Variants in SLX9 observed in about 807,000 individuals in gnomAD.
SLX9 encodes the protein SLX9 ribosome biogenesis factor, also known as ribosome biogenesis protein SLX9 homolog.
In SLX9, 19 loss-of-function variants were observed where a neutral mutation model predicts 20.8. The ratio of observed to expected loss-of-function variants is 0.91; its 90% CI spans 0.64 to 1.34. SLX9 has a LOEUF of 1.34. Among genes scored for constraint, SLX9 ranks in the 40% most tolerant of loss-of-function variants. The probability of loss-of-function intolerance (pLI) is 0.00; values close to 1 mark genes in which losing one functional copy is unlikely to be tolerated. For missense variants in SLX9, 299 were observed against 322.2 expected (o/e 0.93, Z 0.55); for synonymous variants, 113 against 137.1 (o/e 0.82, Z 1.23).
chr21:44,950,812 G>A (rs904378122), intron 2 of SLX9, among the ~76,000 whole-genome samples: 3 of 152,216 alleles, frequency 2.0e-5, no homozygotes, highest in Admixed American at 1.3e-4. Context: ...CCTTGCCGGC[G>A]TCCTCAGGGT....
intron 2 of SLX9, among the ~76,000 whole-genome samples, chr21:44,958,607 C>A (rs1284607152): frequency 6.6e-6 from 1 of 152,230 alleles, no homozygotes; most frequent in African/African-American, 2.4e-5. Context: ...ACCCGTCAGC[C>A]CATCCAGAGG....
intron 2 of SLX9, among the ~76,000 whole-genome samples, chr21:44,955,963 C>T (rs1448389378): frequency 6.6e-6 from 1 of 151,816 alleles, no homozygotes; most frequent in African/African-American, 2.4e-5. Context: ...CCTCCGCCTG[C>T]GGCCTGTACC....
intron 2 of SLX9, among the ~76,000 whole-genome samples, chr21:44,958,848 G>C (rs1436258137): frequency 3.9e-5 from 6 of 152,236 alleles, no homozygotes; most frequent in Non-Finnish European, 7.3e-5. Context: ...GCCAGAGCCG[G>C]GAAGGATCAC....
At chr21:44,940,207 C>T in intron 1 of SLX9, 21 bp downstream of exon 1, 1 of 1,222,836 alleles carries the variant, frequency 8.2e-7, no homozygotes, top group Non-Finnish European at 1.0e-6. Flanking sequence ...GAGGCGCTGG[C>T]CGGGGGCTGC....
At chr21:44,957,898 G>A (rs1047979230) in intron 2 of SLX9, among the ~76,000 whole-genome samples, 1 of 152,230 alleles carries the variant, frequency 6.6e-6, no homozygotes, top group East Asian at 1.9e-4. Context: ...TGTGTGAGCC[G>A]CCCGTGCAGC....
At chr21:44,971,076 C>T (rs2085135302) in intron 4 of SLX9, among the ~76,000 whole-genome samples, 1 of 152,284 alleles carries the variant, frequency 6.6e-6, no homozygotes, top group Admixed American at 6.5e-5. Context: ...TGCTCTGGAC[C>T]TCCACCTCCT....
At chr21:44,966,563 C>A (rs566040282) in intron 3 of SLX9, among the ~76,000 whole-genome samples, 1 of 152,358 alleles carries the variant, frequency 6.6e-6, no homozygotes, top group Admixed American at 6.5e-5. Context: ...CTGCCACCCC[C>A]CATGGCCCCA....
chr21:44,976,870 C>T lies in SLX9; in HGVS notation c.*67C>T. 3 of 1,530,448 alleles carry T rather than the reference C, an allele frequency of 2.0e-6. No individual in the cohort carries two copies. Among genetic ancestry groups the T allele is most frequent in the Non-Finnish European group, 2.6e-6 (3 of 1,144,218 alleles). 94.8% of individuals were successfully genotyped at this position (1,530,448 alleles called of 1,614,324 possible). A position where few individuals can be genotyped will look rare whatever the true frequency, so the allele number is the denominator to read the frequency against. Reference sequence around the variant, plus strand: ...GGCCAAGTAGAGAGCGCCGGCCCCTCAAGGACCATGGCCTGAGCCTGGTGG... The same window carrying T: ...GGCCAAGTAGAGAGCGCCGGCCCCTTAAGGACCATGGCCTGAGCCTGGTGG... On this transcript the variant is annotated 3_prime_UTR_variant, in exon 6 of 6. Transcript: ENST00000291634.
intron 2 of SLX9, among the ~76,000 whole-genome samples, chr21:44,948,691 A>G (rs1250529249): frequency 2.0e-5 from 3 of 151,998 alleles, no homozygotes; most frequent in Non-Finnish European, 4.4e-5. Flanking sequence ...GGGGCATGAG[A>G]GGCGCCGGTG....
intron 4 of SLX9, among the ~76,000 whole-genome samples, chr21:44,967,537 A>C (rs1024466751): frequency 2.6e-5 from 4 of 151,884 alleles, no homozygotes; most frequent in African/African-American, 9.7e-5. Context: ...CCTCCACCCC[A>C]CAGAGACCCT....
chr21:44,944,683 C>T (rs1466171298), intron 2 of SLX9, among the ~76,000 whole-genome samples: 2 of 152,216 alleles, frequency 1.3e-5, no homozygotes, highest in Admixed American at 6.5e-5. Flanking sequence ...GGGCAGAGCT[C>T]AGGGCACCAG....
chr21:44,945,045 T>C (rs1454633178), intron 2 of SLX9, among the ~76,000 whole-genome samples: 1 of 152,222 alleles, frequency 6.6e-6, no homozygotes, highest in Non-Finnish European at 1.5e-5. Flanking sequence ...GAGTGGGTTT[T>C]GCAGCTGCCC....
chr21:44,944,671 G>T (rs941465040), intron 2 of SLX9, among the ~76,000 whole-genome samples: 3 of 151,866 alleles, frequency 2.0e-5, no homozygotes, highest in Non-Finnish European at 4.4e-5. Flanking sequence ...GCCTGGCTGT[G>T]GGGGCAGAGC....
chr21:44,973,040 G>T, intron 4 of SLX9, 157 bp from the exon 5 acceptor site: 1 of 254,206 alleles, frequency 3.9e-6, no homozygotes, highest in South Asian at 7.8e-5. Context: ...TCGCCTCCAT[G>T]GCCACAGTGC....
intron 2 of SLX9, among the ~76,000 whole-genome samples, chr21:44,946,123 T>A (rs1212895733): frequency 6.6e-6 from 1 of 152,252 alleles, no homozygotes; most frequent in Non-Finnish European, 1.5e-5. Flanking sequence ...TGTCAAAGAT[T>A]GATTTCAAAT....
chr21:44,942,007 T>G (rs1024104987), intron 1 of SLX9, among the ~76,000 whole-genome samples: 1 of 152,250 alleles, frequency 6.6e-6, no homozygotes, highest in Non-Finnish European at 1.5e-5. Flanking sequence ...CAGCTTCAGC[T>G]TCTCAGGTGA....
At chr21:44,945,385 C>T (rs2084623991) in intron 2 of SLX9, among the ~76,000 whole-genome samples, 1 of 152,174 alleles carries the variant, frequency 6.6e-6, no homozygotes, top group African/African-American at 2.4e-5. Context: ...GGATGGGAGT[C>T]GTGGGTCTCA....
intron 2 of SLX9, among the ~76,000 whole-genome samples, chr21:44,948,544 C>A (rs893618598): frequency 7.2e-5 from 11 of 152,176 alleles, no homozygotes; most frequent in African/African-American, 2.4e-4. Flanking sequence ...CTCAGAGACA[C>A]AGGCAGGGTG....
Position 44,967,318 on chromosome 21 carries a change from G to T in SLX9, c.500+137G>T. On this transcript the variant is annotated intron_variant, in intron 4 of 5. Transcript: ENST00000291634. The stretch of plus-strand genomic sequence containing the variant: ...GCCGAGAGCTGGGGCTCCAGCCGGT[G>T]CTCCGCACAGGTACCCTGTTCTCAG... The T allele has an allele frequency of 3.1e-6, 4 of 1,271,794 alleles. No individual in the cohort carries two copies. In the South Asian group the frequency reaches 4.6e-5, roughly 15 times the overall value. The allele number at this position is 1,271,794 out of a possible 1,614,324, so 78.8% of individuals were successfully genotyped here.
Sources: allele counts gnomAD v4.1 joint callset (sites outside exome capture counted in the v4.1 genomes callset), GRCh38; gene constraint gnomAD v4.1.1; transcripts MANE v1.5; gene names NCBI Gene and HGNC (gene_info 2026-07-23, HGNC 2026-07-21).